PCDHGA8: variants seen among roughly 807,000 people sequenced by gnomAD.
PCDHGA8 encodes the protein protocadherin gamma subfamily A, 8.
In PCDHGA8, 45 loss-of-function variants were observed where a neutral mutation model predicts 59.2. The ratio of observed to expected loss-of-function variants is 0.76; its 90% CI spans 0.60 to 0.98. The LOEUF (loss-of-function observed/expected upper bound fraction) is 0.98. Among genes scored for constraint, PCDHGA8 ranks in the 50% least tolerant of loss-of-function variants. PCDHGA8 has a pLI of 0.00. For missense variants in PCDHGA8, 1,257 were observed against 1,196.2 expected, an observed-to-expected ratio of 1.05 and a Z score of -0.75; for synonymous variants, 531 against 519.0, an observed-to-expected ratio of 1.02 and a Z score of -0.32.
intron 1 of PCDHGA8, chr5:141,412,671 A>T (rs1335241581): frequency 6.6e-6 from 1 of 152,290 alleles, no homozygotes; most frequent in Non-Finnish European, 1.5e-5. Flanking sequence ...AATATGACCT[A>T]AAATAAGTAT....
chr5:141,420,934 C>T, intron 1 of PCDHGA8: 1 of 377,936 alleles, frequency 2.6e-6, no homozygotes, highest in South Asian at 5.3e-5. Context: ...TGAGCGTAAT[C>T]ATTTCTTCTG....
chr5:141,438,122 A>T (rs1272350030), intron 1 of PCDHGA8, among the ~76,000 whole-genome samples: 1 of 152,214 alleles, frequency 6.6e-6, no homozygotes, highest in Non-Finnish European at 1.5e-5. Flanking sequence ...CATTCCTAAA[A>T]TATTAATGGC....
chr5:141,409,802 G>A (rs2095317294), intron 1 of PCDHGA8: 10 of 1,611,810 alleles, frequency 6.2e-6, no homozygotes, highest in Non-Finnish European at 7.6e-6. Context: ...CACGCTGCAG[G>A]CCCGCGACCA....
chr5:141,403,109 G>A (rs754708762), intron 1 of PCDHGA8: 3 of 1,614,074 alleles, frequency 1.9e-6, no homozygotes. Context: ...CAAGGACCTG[G>A]CTCTGGAGCC....
Position 141,487,278 on chromosome 5 carries a change from T to G in PCDHGA8, c.2425-7529T>G. 6 of 1,614,180 alleles carry G rather than the reference T, an allele frequency of 3.7e-6. No individual in the cohort carries two copies. Among genetic ancestry groups the G allele is most frequent in the Non-Finnish European group, 5.1e-6 (6 of 1,180,040 alleles). On this transcript the variant is annotated intron_variant, in intron 1 of 3. Coordinates refer to ENST00000398604, the MANE Select transcript of PCDHGA8 (RefSeq NM_032088.2). The surrounding 1 kb of genome is among the most constrained non-coding windows in gnomAD (Gnocchi z 5.0). Reference sequence around the variant, plus strand: ...GCTGTGTCCCTAGTGGCAATTTGCTTTGTCTCCTTTGGCTCATTCGTGGCA... The same window carrying G: ...GCTGTGTCCCTAGTGGCAATTTGCTGTGTCTCCTTTGGCTCATTCGTGGCA...
At chr5:141,463,034 G>A (rs2099051345) in intron 1 of PCDHGA8, among the ~76,000 whole-genome samples, 2 of 152,112 alleles carry the variant, frequency 1.3e-5, no homozygotes, top group African/African-American at 4.8e-5. Flanking sequence ...ATTAATCTGA[G>A]TGTTCAGCAG....
chr5:141,504,645 T>C (rs1481469819), intron 2 of PCDHGA8, among the ~76,000 whole-genome samples: 2 of 112,538 alleles, frequency 1.8e-5, no homozygotes, highest in Non-Finnish European at 3.4e-5. Context: ...GGTTTGATGA[T>C]AGAGTGTTTG....
chr5:141,404,838 C>T (rs1561696680), intron 1 of PCDHGA8: 1 of 1,613,850 alleles, frequency 6.2e-7, no homozygotes, highest in East Asian at 2.2e-5. Flanking sequence ...GTGCGCACAG[C>T]TCGGGCCCTG....
chr5:141,490,322 A>C lies in PCDHGA8; in HGVS notation c.2425-4485A>C. ...GCCTCTTTGGCCAACCCTGTCCTAGAGAGCACACCAGTGGGCACAGTAGTG... is the reference window on the plus strand; with the variant it reads ...GCCTCTTTGGCCAACCCTGTCCTAGCGAGCACACCAGTGGGCACAGTAGTG... On this transcript the variant is annotated intron_variant, in intron 1 of 3. Coordinates refer to ENST00000398604, the MANE Select transcript of PCDHGA8 (RefSeq NM_032088.2). This position sits in a 1 kb window ranked among gnomAD's most constrained non-coding sequence, Gnocchi z 5.4. The C allele has an allele frequency of 6.2e-7, 1 of 1,614,232 alleles. No individual in the cohort carries two copies. Among genetic ancestry groups the C allele is most frequent in the Non-Finnish European group, 8.5e-7 (1 of 1,180,038 alleles).
At chr5:141,415,740 GTT>G (rs57426385) in intron 1 of PCDHGA8, 13,277 of 614,848 alleles carry the variant, frequency 0.022, 3 homozygotes, top group South Asian at 0.023. Context: ...GTTTATTAAG[GTT>G]TTTTTTTTTT....
At chr5:141,447,719 C>T (rs1333017511) in intron 1 of PCDHGA8, among the ~76,000 whole-genome samples, 2 of 152,226 alleles carry the variant, frequency 1.3e-5, no homozygotes, top group East Asian at 3.9e-4. Context: ...TACACATTTT[C>T]CAAAACTCAT....
chr5:141,494,394 T>C (rs1437164389), intron 1 of PCDHGA8, among the ~76,000 whole-genome samples: 1 of 152,154 alleles, frequency 6.6e-6, no homozygotes, highest in African/African-American at 2.4e-5. Flanking sequence ...GTTGAATAAA[T>C]TCATTCTAGG....
intron 1 of PCDHGA8, chr5:141,418,787 G>A: frequency 6.2e-7 from 1 of 1,613,794 alleles, no homozygotes; most frequent in Non-Finnish European, 8.5e-7. Context: ...TTTGGATTTT[G>A]AAGAAGTAGA....
Position 141,494,864 on chromosome 5 carries a change from G to T in PCDHGA8, c.2482G>T (p.Gly828Cys), listed in dbSNP as rs773899530. 12 of 1,613,950 alleles carry T rather than the reference G, an allele frequency of 7.4e-6. No individual in the cohort carries two copies. Among genetic ancestry groups the T allele is most frequent in the South Asian group, 1.1e-5 (1 of 91,080 alleles). ...TCAGGCCCAGAGACCCGGCACCAGC[G>T]GGTAGGTGACTGATTCTCCAGCCCA... Reference protein sequence around the residue: ...FSQAQRPGTSGSQNGDDTGTW... With the variant: ...FSQAQRPGTSCSQNGDDTGTW... Residue 828 changes from glycine to cysteine, a missense_variant and splice_region_variant, in exon 2 of 4, where the codon GGC becomes TGC. Physicochemically the swap from Gly to Cys is radical, Grantham distance 159 (BLOSUM62 -3). Coordinates refer to ENST00000398604, the MANE Select transcript of PCDHGA8 (RefSeq NM_032088.2).
At chr5:141,415,015 A>C (rs2095814085) in intron 1 of PCDHGA8, 1 of 1,613,598 alleles carries the variant, frequency 6.2e-7, no homozygotes, top group East Asian at 2.2e-5. Flanking sequence ...CCGTCTGCTC[A>C]AGGCCAGCGA....
chr5:141,507,196 CCAGAT>C (rs2099859095), intron 3 of PCDHGA8: 1 of 152,374 alleles, frequency 6.6e-6, no homozygotes, highest in Non-Finnish European at 1.5e-5. Context: ...CTTTATTCTT[CCAGAT>C]CAGGGTTGCC....
In PCDHGA8 at chr5:141,485,778, G is replaced by A. The variant is rs575586552; in HGVS notation, c.2425-9029G>A. On this transcript the variant is annotated intron_variant, in intron 1 of 3. Coordinates refer to ENST00000398604, the MANE Select transcript of PCDHGA8 (RefSeq NM_032088.2). The surrounding 1 kb of genome is among the most constrained non-coding windows in gnomAD (Gnocchi z 5.7). ...CTGCTCCTGGAGAAGCCTTTGGATC[G>A]AGAGAAGCAATCGGACTACCGCCTG... is the stretch of plus-strand genomic sequence containing the variant. The A allele has an allele frequency of 1.2e-6, 2 of 1,614,216 alleles. No individual in the cohort carries two copies. Among genetic ancestry groups the A allele is most frequent in the Admixed American group, 1.7e-5 (1 of 60,028 alleles).
At chr5:141,415,122 C>G (rs552568826) in intron 1 of PCDHGA8, 1 of 1,613,668 alleles carries the variant, frequency 6.2e-7, no homozygotes, top group Non-Finnish European at 8.5e-7. Context: ...TCGTAGTGGC[C>G]GTCCAGGACC....
chr5:141,395,409 T>G, intron 1 of PCDHGA8, 172 bp downstream of exon 1: 1 of 813,990 alleles, frequency 1.2e-6, no homozygotes, highest in East Asian at 2.8e-5. Context: ...AGTCATAGGT[T>G]ATTGTTTCAT....
Sources: gnomAD v4.1 joint callset for allele counts (sites outside exome capture counted in the v4.1 genomes callset) on GRCh38, gnomAD v4.1.1 for gene constraint, Gnocchi (gnomAD v3.1) non-coding constraint, MANE v1.5 for transcripts, NCBI Gene and HGNC (gene_info 2026-07-23, HGNC 2026-07-21) for gene names.